The following SLC9B1 variants were observed in gnomAD, a reference collection of about 807,000 sequenced individuals.
The protein encoded by SLC9B1 is solute carrier family 9 member B1.
SLC9B1 carries 32 observed loss-of-function variants against 51.7 expected under a neutral mutation model. That is an observed-to-expected ratio of 0.62 (90% CI 0.47 to 0.83). The LOEUF (loss-of-function observed/expected upper bound fraction) is 0.83. Among genes scored for constraint, SLC9B1 ranks in the 40% least tolerant of loss-of-function variants. The probability of loss-of-function intolerance (pLI) is 0.00; values close to 1 mark genes in which losing one functional copy is unlikely to be tolerated. For missense variants in SLC9B1, 406 were observed against 613.2 expected (o/e 0.66, Z 3.57); for synonymous variants, 145 against 212.7 (o/e 0.68, Z 2.77).
chr4:103,013,918 A>G (rs1166194537), intron 1 of SLC9B1, among the ~76,000 whole-genome samples: 1 of 152,176 alleles, frequency 6.6e-6, no homozygotes, highest in Admixed American at 6.5e-5. Context: ...CCCCACCTAA[A>G]CACCGTAATG....
rs1738477317 is a variant in SLC9B1 at position 102,967,251 on chromosome 4, TAC to T, written c.212-17826_212-17825del. 2.0e-5 allele frequency among the ~76,000 whole-genome samples: 3 copies of T among 152,304 alleles called. No individual in the cohort carries two copies. The South Asian group carries it at 6.2e-4, about 32-fold the overall frequency. On this transcript the variant is annotated intron_variant, in intron 3 of 11. Transcript: ENST00000296422. ...ATCCTTAATGCTCTGTTTATGGCAATACAGTCTTTTTCTAGTCTGCTCCTTCA... is the reference window on the plus strand; with the variant it reads ...ATCCTTAATGCTCTGTTTATGGCAATAGTCTTTTTCTAGTCTGCTCCTTCA...
At chr4:102,931,104 T>C (rs1340232305) in intron 7 of SLC9B1, among the ~76,000 whole-genome samples, 2 of 151,730 alleles carry the variant, frequency 1.3e-5, no homozygotes, top group Non-Finnish European at 2.9e-5. Context: ...TGGGTGCTTA[T>C]AGTCCCAACT....
chr4:102,999,098 G>A (rs754986276), intron 1 of SLC9B1, among the ~76,000 whole-genome samples: 1 of 152,164 alleles, frequency 6.6e-6, no homozygotes, highest in African/African-American at 2.4e-5. Context: ...AAAGTGCTGG[G>A]ATTATGGGCA....
intron 3 of SLC9B1, 70 bp from the exon 4 acceptor site, chr4:102,949,497 C>T: frequency 1.6e-6 from 2 of 1,278,146 alleles, no homozygotes; most frequent in Non-Finnish European, 2.1e-6. Flanking sequence ...AGGATCAATT[C>T]TCTTTTATCA....
intron 7 of SLC9B1, among the ~76,000 whole-genome samples, chr4:102,918,068 CA>C (rs1196562612): frequency 0.14 from 2,535 of 17,770 alleles, 52 homozygotes; most frequent in African/African-American, 0.33. Flanking sequence ...AACTCCATCT[CA>C]AAAAAAAAAA....
intron 7 of SLC9B1, among the ~76,000 whole-genome samples, chr4:102,922,778 C>A (rs1303268024): frequency 2.6e-5 from 4 of 152,180 alleles, no homozygotes; most frequent in Non-Finnish European, 4.4e-5. Context: ...CTATAAACAC[C>A]TCTATGCAAA....
At chr4:102,893,933 C>T (rs1490515752) in intron 11 of SLC9B1, among the ~76,000 whole-genome samples, 1 of 151,880 alleles carries the variant, frequency 6.6e-6, no homozygotes, top group South Asian at 2.1e-4. Context: ...AACTATAGAC[C>T]AATCTGACAT....
chr4:102,933,801 A>G (rs1241290883), intron 6 of SLC9B1, among the ~76,000 whole-genome samples: 1 of 152,244 alleles, frequency 6.6e-6, no homozygotes, highest in Non-Finnish European at 1.5e-5. Flanking sequence ...AACTGTGAAG[A>G]TAGTCTATAC....
chr4:102,886,650 C>G (rs1228175373), intron 11 of SLC9B1, among the ~76,000 whole-genome samples: 1 of 152,002 alleles, frequency 6.6e-6, no homozygotes, highest in Non-Finnish European at 1.5e-5. Flanking sequence ...GAGTCTTGCT[C>G]TGTCACTCAG....
intron 3 of SLC9B1, among the ~76,000 whole-genome samples, chr4:102,972,359 C>A (rs922820329): frequency 2.0e-5 from 3 of 152,166 alleles, no homozygotes; most frequent in Admixed American, 1.3e-4. Flanking sequence ...TAAACGTAAT[C>A]CATCACACTT....
chr4:102,938,652 A>G (rs1478462996), intron 6 of SLC9B1, among the ~76,000 whole-genome samples: 1 of 152,158 alleles, frequency 6.6e-6, no homozygotes, highest in Admixed American at 6.6e-5. Context: ...ATTTAAGAAA[A>G]CCCCTGAAAT....
At chr4:102,960,031 A>C (rs1738020223) in intron 3 of SLC9B1, among the ~76,000 whole-genome samples, 1 of 152,046 alleles carries the variant, frequency 6.6e-6, no homozygotes, top group South Asian at 2.1e-4. Context: ...CAAAAAAACC[A>C]CATCTGTTTC....
chr4:102,979,780 GA>G (rs1484065150), intron 3 of SLC9B1, among the ~76,000 whole-genome samples: 2 of 152,004 alleles, frequency 1.3e-5, no homozygotes, highest in Non-Finnish European at 2.9e-5. Context: ...AGATTACAGA[GA>G]GATCTCAAAA....
intron 7 of SLC9B1, among the ~76,000 whole-genome samples, chr4:102,930,610 G>C (rs926097319): frequency 6.6e-6 from 1 of 151,708 alleles, no homozygotes; most frequent in South Asian, 2.1e-4. Flanking sequence ...TCACCATGTT[G>C]GTTGGCCAGG....
At chr4:102,977,808 TTC>T (rs1205391152) in intron 3 of SLC9B1, among the ~76,000 whole-genome samples, 7 of 152,156 alleles carry the variant, frequency 4.6e-5, no homozygotes, top group African/African-American at 1.4e-4. Context: ...TAAAAACATA[TTC>T]TTTTTTTATT....
chr4:102,964,520 C>T (rs563739756), intron 3 of SLC9B1, among the ~76,000 whole-genome samples: 2 of 152,234 alleles, frequency 1.3e-5, no homozygotes, highest in South Asian at 4.1e-4. Context: ...ACCAATATCC[C>T]TTATGAACCT....
downstream of SLC9B1, chr4:102,898,125 T>A (rs537510665): frequency 3.6e-5 from 18 of 497,676 alleles, no homozygotes; most frequent in East Asian, 2.8e-4. Flanking sequence ...TATGCTTGAA[T>A]CTCCAGAGCC....
At chr4:102,959,203 G>A (rs1737954952) in intron 3 of SLC9B1, among the ~76,000 whole-genome samples, 1 of 149,234 alleles carries the variant, frequency 6.7e-6, no homozygotes, top group Non-Finnish European at 1.5e-5. Context: ...GAATGTAAAA[G>A]GATAGGAGAT....
chr4:102,946,871 C>T, intron 4 of SLC9B1, 82 bp from the exon 5 acceptor site: 1 of 1,283,146 alleles, frequency 7.8e-7, no homozygotes, highest in Admixed American at 2.7e-5. Context: ...TTTTCTAATG[C>T]ACTATGTCTC....
Sources: allele counts gnomAD v4.1 joint callset (sites outside exome capture counted in the v4.1 genomes callset), GRCh38; gene constraint gnomAD v4.1.1; transcripts MANE v1.5; gene names NCBI Gene and HGNC (gene_info 2026-07-23, HGNC 2026-07-21).